OSBPL7: variants seen among roughly 807,000 people sequenced by gnomAD.
OSBPL7 encodes oxysterol-binding protein-related protein 7.
In OSBPL7, 66 loss-of-function variants were observed where a neutral mutation model predicts 115.8. The ratio of observed to expected loss-of-function variants is 0.57; its 90% CI spans 0.47 to 0.70. The LOEUF is 0.70. OSBPL7 is among the 30% of genes least tolerant of loss of function. The pLI is 0.00. For synonymous variants in OSBPL7, 441 were observed against 439.2 expected, an observed-to-expected ratio of 1.00 and a Z score of -0.05; for missense variants, 902 against 1,125.5, an observed-to-expected ratio of 0.80 and a Z score of 2.84.
Position 47,816,952 on chromosome 17 carries a change from A to G in OSBPL7, c.703-80T>C. On this transcript the variant is annotated intron_variant, in intron 8 of 22. Transcript: ENST00000007414. This position sits in a 1 kb window ranked among gnomAD's most constrained non-coding sequence, Gnocchi z 5.8. ...AACCATCACAGCCTGGGAGAGGTAG[A>G]CGGCCTCCTGCGCCATGGAGGAGGG... 7.2e-7 allele frequency: 1 copy of G among 1,385,982 alleles called. No individual in the cohort carries two copies. The allele number at this position is 1,385,982 out of a possible 1,614,324, so 85.9% of individuals were successfully genotyped here. A position where few individuals can be genotyped will look rare whatever the true frequency, so the allele number is the denominator to read the frequency against.
rs1270835911 is a variant in OSBPL7, at chr17:47,813,128, C to T, written c.1737+138G>A. 4.8e-5 allele frequency: 58 copies of T among 1,202,854 alleles called. No individual in the cohort carries two copies. In the Admixed American group the frequency reaches 1.5e-3, roughly 31 times the overall value. The allele number at this position is 1,202,854 out of a possible 1,614,324, so 74.5% of individuals were successfully genotyped here. A position where few individuals can be genotyped will look rare whatever the true frequency, so the allele number is the denominator to read the frequency against. ...GACCTCAGAACGTGGGCCAGGAGCA[C>T]CGCAGAGCCCGGCACAGAGCCAACT... On this transcript the variant is annotated intron_variant, in intron 16 of 22. Coordinates refer to ENST00000007414, the MANE Select transcript of OSBPL7 (RefSeq NM_145798.3).
intron 18 of OSBPL7, among the ~76,000 whole-genome samples, chr17:47,809,966 T>G (rs1043802624): frequency 6.7e-6 from 1 of 148,184 alleles, no homozygotes; most frequent in Non-Finnish European, 1.5e-5. Flanking sequence ...CAGGCTGGAG[T>G]GCAGTGCAGT....
chr17:47,819,921 T>TTG, intron 3 of OSBPL7, 50 bp downstream of exon 3: 28 of 1,343,794 alleles, frequency 2.1e-5, no homozygotes, highest in Non-Finnish European at 2.6e-5. Context: ...TGCCCCCCAT[T>TTG]CCCACCCCGC....
Position 47,808,577 on chromosome 17 carries a change from A to G in OSBPL7, c.2381T>C (p.Met794Thr), listed in dbSNP as rs758668796. The change falls in exon 22 of 23, where the codon ATG (methionine) becomes ACG (threonine). Residue 794 changes from methionine to threonine, a missense_variant. Transcript: ENST00000007414. This position sits in a 1 kb window ranked among gnomAD's most constrained non-coding sequence, Gnocchi z 6.1. Reference sequence around the variant, plus strand: ...CTGGTGTACGATGTTGTTTTCCTCCATGACTTTGCGCCTGTCTCGCTGCAG... The same window carrying G: ...CTGGTGTACGATGTTGTTTTCCTCCGTGACTTTGCGCCTGTCTCGCTGCAG... Reference protein sequence around the residue: ...EQLQRDRRKVMEENNIVHQAR... With the variant: ...EQLQRDRRKVTEENNIVHQAR... The G allele has an allele frequency of 6.2e-7, 1 of 1,614,176 alleles. No individual in the cohort carries two copies. Among genetic ancestry groups the G allele is most frequent in the South Asian group, 1.1e-5 (1 of 91,080 alleles).
intron 7 of OSBPL7, 134 bp downstream of exon 7, chr17:47,818,135 T>C: frequency 1.4e-6 from 1 of 739,200 alleles, no homozygotes. Context: ...CCAGGTAGAC[T>C]GGATCTCCTT....
chr17:47,812,814 C>T (rs1206103568), intron 16 of OSBPL7, among the ~76,000 whole-genome samples: 2 of 152,204 alleles, frequency 1.3e-5, no homozygotes, highest in Non-Finnish European at 1.5e-5. Context: ...CTCAAATCCT[C>T]CATGGTGCCA....
rs1325773489 is a variant in OSBPL7, at chr17:47,816,064, G to A, written c.1119+43C>T. On this transcript the variant is annotated intron_variant, in intron 12 of 22. Coordinates refer to ENST00000007414, the MANE Select transcript of OSBPL7 (RefSeq NM_145798.3). The surrounding 1 kb of genome is among the most constrained non-coding windows in gnomAD (Gnocchi z 5.8). ...GGCCTTGGCTTTCGCTGGGAGAGAAGGCACAGGAGAATCGGCCCCCACAGC... is the reference window on the plus strand; with the variant it reads ...GGCCTTGGCTTTCGCTGGGAGAGAAAGCACAGGAGAATCGGCCCCCACAGC... 7.4e-6 allele frequency: 11 copies of A among 1,494,598 alleles called. No individual in the cohort carries two copies. In the East Asian group the frequency reaches 1.2e-4, roughly 17 times the overall value. 92.6% of individuals were successfully genotyped at this position (1,494,598 alleles called of 1,614,324 possible).
At chr17:47,819,131 G>T in intron 4 of OSBPL7, 32 bp from the exon 5 acceptor site, 2 of 1,585,794 alleles carry the variant, frequency 1.3e-6, no homozygotes, top group Non-Finnish European at 1.7e-6. Context: ...AGGGAGAGGG[G>T]ACCTGTTTTA....
intron 7 of OSBPL7, 81 bp downstream of exon 7, chr17:47,818,188 G>T: frequency 8.0e-7 from 1 of 1,246,528 alleles, no homozygotes. Flanking sequence ...CCCTGAGGCA[G>T]GGATGGAGGT....
Position 47,809,439 on chromosome 17 carries a change from G to A in OSBPL7, c.1920C>T (p.Cys640=), listed in dbSNP as rs966067726. The change falls in exon 19 of 23, where the codon TGC becomes TGT. Residue 640 remains cysteine, a synonymous_variant. Transcript: ENST00000007414. Reference sequence around the variant, plus strand: ...GCTGACCACTCAGGACATTGTGAATGCAGGATGTCACCTTGTTCCACTCAA... The same window carrying A: ...GCTGACCACTCAGGACATTGTGAATACAGGATGTCACCTTGTTCCACTCAA... ...DHFEWNKVTS[C]IHNVLSGQRW... The A allele has an allele frequency of 2.5e-6, 4 of 1,613,938 alleles. No homozygotes were observed. The highest frequency in any genetic ancestry group is 3.4e-6 in the Non-Finnish European group (4 of 1,179,820).
intron 16 of OSBPL7, 41 bp downstream of exon 16, chr17:47,813,225 C>G (rs562704947): frequency 6.2e-7 from 1 of 1,609,974 alleles, no homozygotes; most frequent in Non-Finnish European, 8.5e-7. Context: ...CCCTCCTTGC[C>G]CCAGACACCC....
Position 47,808,978 on chromosome 17 carries a change from G to A in OSBPL7, c.2183C>T (p.Pro728Leu). The change falls in exon 21 of 23, where the codon CCC becomes CTC. Residue 728 changes from proline (P) to leucine (L), a missense_variant. Transcript: ENST00000007414. The surrounding 1 kb of genome is among the most constrained non-coding windows in gnomAD (Gnocchi z 6.1). ...QCIWKPNSMP[P>L]DHERNFGFTQ... ...GAAGCCGAAGTTTCGCTCATGGTCG[G>A]GGGGCATTGAGTCTGGGGGAAGGCA... is the stretch of plus-strand genomic sequence containing the variant. The A allele has an allele frequency of 1.9e-6, 3 of 1,614,152 alleles. No homozygotes were observed. In the South Asian group the frequency reaches 3.3e-5, roughly 18 times the overall value.
intron 4 of OSBPL7, 109 bp from the exon 5 acceptor site, chr17:47,819,208 T>C (rs890800666): frequency 4.5e-5 from 37 of 821,560 alleles, no homozygotes; most frequent in Non-Finnish European, 7.1e-5. Flanking sequence ...AGGTGGCAGG[T>C]TCACCCTCAT....
Position 47,816,570 on chromosome 17 carries a change from G to C in OSBPL7, c.921C>G (p.Ala307=), listed in dbSNP as rs763727951. The C allele has an allele frequency of 6.2e-7, 1 of 1,611,416 alleles. No individual in the cohort carries two copies. The highest frequency in any genetic ancestry group is 8.5e-7 in the Non-Finnish European group (1 of 1,178,940). Residue 307 remains alanine (A), a synonymous_variant, in exon 10 of 23, where the codon GCC becomes GCG. Coordinates refer to ENST00000007414, the MANE Select transcript of OSBPL7 (RefSeq NM_145798.3). This position sits in a 1 kb window ranked among gnomAD's most constrained non-coding sequence, Gnocchi z 5.8. ...CTCCCAGCAGGCACTTACCCTTCTG[G>C]GCCAGGGCCCAGAAGCTGCGCTGCA... The part of the protein sequence containing the change: ...AHLQRSFWAL[A]QKVHSSLSSV...
rs554614718 is a variant in OSBPL7 at position 47,811,134 on chromosome 17, G to C, written c.1738-299C>G. 2.0e-5 allele frequency among the ~76,000 whole-genome samples: 3 copies of C among 152,078 alleles called. No homozygotes were observed. In the South Asian group the frequency reaches 6.2e-4, roughly 32 times the overall value. On this transcript the variant is annotated intron_variant, in intron 16 of 22. Transcript: ENST00000007414. ...AGTTCCCCGCAACAGTGATGGGTGGGGCCTCCACCCCATGCCCTGCCTGAA... is the reference window on the plus strand; with the variant it reads ...AGTTCCCCGCAACAGTGATGGGTGGCGCCTCCACCCCATGCCCTGCCTGAA...
intron 18 of OSBPL7, among the ~76,000 whole-genome samples, chr17:47,809,911 CT>C (rs1159738939): frequency 1.8e-3 from 85 of 46,694 alleles, no homozygotes; most frequent in African/African-American, 1.7e-3. Flanking sequence ...CTTTTCTTTT[CT>C]TTTTTTTTTT....
rs1376121514 is a variant in OSBPL7 at position 47,816,694 on chromosome 17, A to T, written c.797T>A (p.Val266Asp). 9 of 1,613,920 alleles carry T rather than the reference A, an allele frequency of 5.6e-6. 1 individual carries two copies. The South Asian group carries it at 9.9e-5, about 18-fold the overall frequency. The stretch of plus-strand genomic sequence containing the variant: ...GGGAACAGAGCCATGGAGACGACCA[A>T]CCTGTAGGTGAAGGGGAAGGGCTGA... ...SFAKDDTIGRVGRLHGSVPNL... is the reference protein window; with the variant it reads ...SFAKDDTIGRDGRLHGSVPNL... Residue 266 changes from valine to aspartate, a missense_variant and splice_region_variant, in exon 10 of 23, where the codon GTT becomes GAT. Val to Asp is a radical substitution (Grantham distance 152, BLOSUM62 -3). Around this residue, in one of 3 missense-constraint regions of OSBPL7, gnomAD observed 667 missense variants for 788.7 expected, o/e 0.85. Transcript: ENST00000007414. This position sits in a 1 kb window ranked among gnomAD's most constrained non-coding sequence, Gnocchi z 5.8.
chr17:47,812,389 T>G (rs2033072064), intron 16 of OSBPL7, among the ~76,000 whole-genome samples: 1 of 152,222 alleles, frequency 6.6e-6, no homozygotes, highest in African/African-American at 2.4e-5. Context: ...CTGGCCACTC[T>G]TTGACCTGTT....
In OSBPL7 at chr17:47,817,262, T is replaced by C. The variant is rs377044941; in HGVS notation, c.696A>G (p.Thr232=). ...GTGTACCCCTGGATCTTACCTGGTG[T>C]GTGGGGATAACAGGGGCTGAGGGGA... ...HRIPSAPVIP[T]HQASVTTERP... Residue 232 remains threonine (T), a synonymous_variant, in exon 8 of 23, where the codon ACA becomes ACG. Transcript: ENST00000007414. 6 of 1,593,124 alleles carry C rather than the reference T, an allele frequency of 3.8e-6. No individual in the cohort carries two copies. Among genetic ancestry groups the C allele is most frequent in the South Asian group, 1.1e-5 (1 of 87,440 alleles).
Sources: gnomAD v4.1 joint callset for allele counts (sites outside exome capture counted in the v4.1 genomes callset) on GRCh38, gnomAD v4.1.1 for gene constraint, gnomAD v4.1.1 regional missense constraint, Gnocchi (gnomAD v3.1) non-coding constraint, MANE v1.5 for transcripts, NCBI Gene and HGNC (gene_info 2026-07-23, HGNC 2026-07-21) for gene names.